The following ELOVL7 variants were observed in gnomAD, a reference collection of about 807,000 sequenced individuals.
ELOVL7 encodes the protein very long chain fatty acid elongase 7.
In ELOVL7, 27 loss-of-function variants were observed where a neutral mutation model predicts 35.7. The observed-to-expected ratio is 0.76, with a 90% CI of 0.56 to 1.04. The LOEUF (loss-of-function observed/expected upper bound fraction) is 1.04. Among genes scored for constraint, ELOVL7 ranks in the 50% least tolerant of loss-of-function variants. The probability of loss-of-function intolerance (pLI) is 0.00; values close to 1 mark genes in which losing one functional copy is unlikely to be tolerated. For synonymous variants in ELOVL7, 113 were observed against 114.6 expected, an observed-to-expected ratio of 0.99 and a Z score of 0.09; for missense variants, 327 against 340.8, an observed-to-expected ratio of 0.96 and a Z score of 0.32.
chr5:60,764,116 G>T (rs1742086551), intron 7 of ELOVL7, 111 bp downstream of exon 7: 3 of 721,804 alleles, frequency 4.2e-6, no homozygotes, highest in Non-Finnish European at 7.2e-6. Context: ...TAAACAAAGT[G>T]ACTCTTTGAT....
intron 7 of ELOVL7, among the ~76,000 whole-genome samples, chr5:60,761,602 T>C (rs1053929924): frequency 6.6e-5 from 10 of 152,074 alleles, no homozygotes; most frequent in Non-Finnish European, 1.2e-4. Context: ...GGGGGGAATA[T>C]TGGAGATTGT....
In ELOVL7 at chr5:60,809,463, G is replaced by A. The variant is rs183983638; in HGVS notation, c.-85-10233C>T. Among the ~76,000 whole-genome samples, 1,222 of 152,280 alleles carry A rather than the reference G, an allele frequency of 8.0e-3. 4 individuals carry two copies. The highest frequency in any genetic ancestry group is 0.012 in the Non-Finnish European group (843 of 68,028). On this transcript the variant is annotated intron_variant, in intron 1 of 8. Transcript: ENST00000508821. Reference sequence around the variant, plus strand: ...CTTCTAGAGCTTGTCTAGCTGTGACGACTGAGGTTCTGAAGGATTTTCCAA... The same window carrying A: ...CTTCTAGAGCTTGTCTAGCTGTGACAACTGAGGTTCTGAAGGATTTTCCAA...
intron 8 of ELOVL7, among the ~76,000 whole-genome samples, chr5:60,755,247 C>A (rs530469647): frequency 1.3e-5 from 2 of 152,188 alleles, no homozygotes; most frequent in South Asian, 2.1e-4. Context: ...TGTTATTGGA[C>A]CAGATATTTT....
At chr5:60,791,430 T>C (rs942879871) in intron 2 of ELOVL7, among the ~76,000 whole-genome samples, 1 of 152,190 alleles carries the variant, frequency 6.6e-6, no homozygotes, top group Non-Finnish European at 1.5e-5. Flanking sequence ...ATAGGTACTA[T>C]GTTCACTATA....
At chr5:60,826,818 A>G (rs915500530) in intron 1 of ELOVL7, among the ~76,000 whole-genome samples, 2 of 152,140 alleles carry the variant, frequency 1.3e-5, no homozygotes, top group Non-Finnish European at 2.9e-5. Flanking sequence ...ACTTTGGGAC[A>G]TTGTTTTCTC....
At chr5:60,824,774 T>C (rs1746075632) in intron 1 of ELOVL7, among the ~76,000 whole-genome samples, 1 of 152,238 alleles carries the variant, frequency 6.6e-6, no homozygotes, top group Non-Finnish European at 1.5e-5. Flanking sequence ...CCCTCTTTAA[T>C]GTCTTCCTCA....
At position 60,766,626 on chromosome 5, in the gene ELOVL7, G is replaced by A; in HGVS notation, c.341C>T (p.Ala114Val). Residue 114 changes from alanine (A) to valine (V), a missense_variant, in exon 6 of 9, where the codon GCA becomes GTA. Physicochemically the swap from Ala to Val is moderately conservative, Grantham distance 64. Coordinates refer to ENST00000508821, the MANE Select transcript of ELOVL7 (RefSeq NM_024930.3). ...GAAGTAATAAAGCCAGCAGGTACGT[G>A]CCATCTGCAGAAGCACAAATAAATC... ...YSRSPTALRM[A>V]RTCWLYYFSK... The A allele has an allele frequency of 6.2e-7, 1 of 1,611,680 alleles. No homozygotes were observed. The highest frequency in any genetic ancestry group is 8.5e-7 in the Non-Finnish European group (1 of 1,178,930).
chr5:60,774,228 T>A (rs13184037), intron 3 of ELOVL7, among the ~76,000 whole-genome samples: 15,991 of 152,140 alleles, frequency 0.11, 1,125 homozygotes, highest in South Asian at 0.16. Context: ...ATATCTCTCA[T>A]GAACATAGAT....
chr5:60,807,597 G>A (rs958153197), intron 1 of ELOVL7, among the ~76,000 whole-genome samples: 8 of 151,444 alleles, frequency 5.3e-5, no homozygotes, highest in African/African-American at 1.9e-4. Context: ...AAGCAAAAAG[G>A]ACACAGCAGA....
At chr5:60,763,871 AT>A (rs1049159740) in intron 7 of ELOVL7, among the ~76,000 whole-genome samples, 2 of 152,140 alleles carry the variant, frequency 1.3e-5, no homozygotes, top group African/African-American at 4.8e-5. Context: ...CATACAGGAA[AT>A]TGTTCTCTAT....
chr5:60,758,406 C>T (rs1392260289), intron 7 of ELOVL7, among the ~76,000 whole-genome samples: 1 of 152,172 alleles, frequency 6.6e-6, no homozygotes, highest in African/African-American at 2.4e-5. Flanking sequence ...ATCAAATTTA[C>T]TTTTCCTACT....
chr5:60,759,950 C>G (rs1291349142), intron 7 of ELOVL7, among the ~76,000 whole-genome samples: 1 of 152,064 alleles, frequency 6.6e-6, no homozygotes, highest in African/African-American at 2.4e-5. Flanking sequence ...CATCCATGTC[C>G]CTACAAAGGA....
chr5:60,809,748 A>C (rs1745139782), intron 1 of ELOVL7, among the ~76,000 whole-genome samples: 2 of 152,240 alleles, frequency 1.3e-5, no homozygotes. Context: ...ATCAGAAAAA[A>C]AGTAGGAAAA....
intron 5 of ELOVL7, among the ~76,000 whole-genome samples, chr5:60,767,343 C>A (rs1584166850): frequency 1.3e-5 from 2 of 152,332 alleles, no homozygotes; most frequent in African/African-American, 4.8e-5. Flanking sequence ...ATCCACCCGC[C>A]TCAGCCTCCC....
rs1175193599 is a variant in ELOVL7 at position 60,796,196 on chromosome 5, G to GT, written c.-35+2983dup. On this transcript the variant is annotated intron_variant, in intron 2 of 8. Transcript: ENST00000508821. Reference sequence around the variant, plus strand: ...TTTCCTAGTATTTCCTTCCTCATCTGTTTTCTCACTGGAACTGGTTCCCCA... The same window carrying GT: ...TTTCCTAGTATTTCCTTCCTCATCTGTTTTTCTCACTGGAACTGGTTCCCCA... Among the ~76,000 whole-genome samples the GT allele has an allele frequency of 2.0e-5, 3 of 152,114 alleles. No individual in the cohort carries two copies. The East Asian group carries it at 5.8e-4, about 29-fold the overall frequency.
At chr5:60,784,081 G>T in intron 3 of ELOVL7, 1 of 1,170,166 alleles carries the variant, frequency 8.5e-7, no homozygotes, top group Non-Finnish European at 1.2e-6. Context: ...AGGGAAAGTA[G>T]AATGCCACAT....
At chr5:60,819,630 A>G (rs1745770779) in intron 1 of ELOVL7, among the ~76,000 whole-genome samples, 1 of 152,090 alleles carries the variant, frequency 6.6e-6, no homozygotes, top group Non-Finnish European at 1.5e-5. Context: ...AAATATACAA[A>G]AATTAGCTCG....
intron 1 of ELOVL7, among the ~76,000 whole-genome samples, chr5:60,842,180 G>C (rs926586183): frequency 6.6e-6 from 1 of 152,170 alleles, no homozygotes; most frequent in Non-Finnish European, 1.5e-5. Context: ...AAGAGGGAGA[G>C]TGGTGAAGAG....
chr5:60,830,285 TAAAC>T (rs1561473361), intron 1 of ELOVL7, among the ~76,000 whole-genome samples: 1 of 152,134 alleles, frequency 6.6e-6, no homozygotes. Flanking sequence ...GACATACAAG[TAAAC>T]AAACAGACAA....
Sources: gnomAD v4.1 joint callset for allele counts (sites outside exome capture counted in the v4.1 genomes callset) on GRCh38, gnomAD v4.1.1 for gene constraint, MANE v1.5 for transcripts, NCBI Gene and HGNC (gene_info 2026-07-23, HGNC 2026-07-21) for gene names.